GPC6: variants seen among roughly 807,000 people sequenced by gnomAD.
GPC6 encodes the protein glypican-6.
In GPC6, 14 loss-of-function variants were observed where a neutral mutation model predicts 55.2. The observed-to-expected ratio is 0.25, with a 90% confidence interval of 0.17 to 0.40. The LOEUF is 0.40. Ranked by LOEUF, GPC6 falls within the 10% of genes least tolerant of loss-of-function variation. The pLI is 1.00. For synonymous variants in GPC6, 278 were observed against 259.6 expected (o/e 1.07, Z -0.68); for missense variants, 641 against 708.5 (o/e 0.90, Z 1.08).
In GPC6 at chr13:93,691,930, A is replaced by G. The variant is rs192449842; in HGVS notation, c.320-138224A>G. ...AGTTTTATAGTTAGAGAGAACAACT[A>G]ATATATATACTTCAGTACCTACCCT... On this transcript the variant is annotated intron_variant, in intron 2 of 8. Transcript: ENST00000377047. Among the ~76,000 whole-genome samples, 4 of 152,158 alleles carry G rather than the reference A, an allele frequency of 2.6e-5. No individual in the cohort carries two copies. In the East Asian group the frequency reaches 7.7e-4, roughly 29 times the overall value.
chr13:93,731,827 C>T (rs1278217590), intron 2 of GPC6, among the ~76,000 whole-genome samples: 1 of 151,996 alleles, frequency 6.6e-6, no homozygotes, highest in African/African-American at 2.4e-5. Flanking sequence ...AGATCTGTCC[C>T]TCCTTATTAG....
chr13:93,350,139 G>T (rs1344549985), intron 1 of GPC6, among the ~76,000 whole-genome samples: 1 of 152,110 alleles, frequency 6.6e-6, no homozygotes, highest in Non-Finnish European at 1.5e-5. Context: ...GGTTTTAAAA[G>T]AAAATAAATT....
chr13:93,777,321 G>C (rs1025239603), intron 2 of GPC6, among the ~76,000 whole-genome samples: 1 of 151,976 alleles, frequency 6.6e-6, no homozygotes, highest in African/African-American at 2.4e-5. Context: ...CCTAACTCTT[G>C]TGCTTACTAG....
rs1878641970 is a variant in GPC6 at position 93,460,607 on chromosome 13, A to G, written c.161-84656A>G. On this transcript the variant is annotated intron_variant, in intron 1 of 8. Coordinates refer to ENST00000377047, the MANE Select transcript of GPC6 (RefSeq NM_005708.5). ...AATTAACATGTAAGTTTTTCAGTGA[A>G]AAGAACTCTTGATGTATTGGAAAAC... Among the ~76,000 whole-genome samples, 3 of 152,220 alleles carry G rather than the reference A, an allele frequency of 2.0e-5. No homozygotes were observed. The South Asian group carries it at 6.2e-4, about 31-fold the overall frequency.
At chr13:93,593,609 C>T (rs1877587573) in intron 2 of GPC6, among the ~76,000 whole-genome samples, 1 of 151,996 alleles carries the variant, frequency 6.6e-6, no homozygotes, top group Admixed American at 6.6e-5. Context: ...TATTTCATTG[C>T]TTATTTCTGG....
At chr13:93,256,441 T>A (rs1876955252) in intron 1 of GPC6, among the ~76,000 whole-genome samples, 1 of 152,130 alleles carries the variant, frequency 6.6e-6, no homozygotes, top group South Asian at 2.1e-4. Context: ...ACTTTTTAAC[T>A]TGTTATTACA....
At chr13:94,230,777 T>C (rs983883650) in intron 4 of GPC6, among the ~76,000 whole-genome samples, 1 of 152,166 alleles carries the variant, frequency 6.6e-6, no homozygotes, top group Non-Finnish European at 1.5e-5. Context: ...TAAATATTAT[T>C]TTTTGAACTC....
chr13:93,225,687 A>T (rs1241849124), upstream of GPC6, among the ~76,000 whole-genome samples: 1 of 152,134 alleles, frequency 6.6e-6, no homozygotes, highest in African/African-American at 2.4e-5. Context: ...AAGACAATGT[A>T]CCTAATATGT....
rs1203184731 is a variant in GPC6 at position 93,293,613 on chromosome 13, T to C, written c.160+65997T>C. ...TTCCACTTTTCCCCTGGATGGGTGA[T>C]TTATATAATGGAATGCAGTGTCATT... is the stretch of plus-strand genomic sequence containing the variant. On this transcript the variant is annotated intron_variant, in intron 1 of 8. Coordinates refer to ENST00000377047, the MANE Select transcript of GPC6 (RefSeq NM_005708.5). Among the ~76,000 whole-genome samples, 3 of 152,220 alleles carry C rather than the reference T, an allele frequency of 2.0e-5. No homozygotes were observed. In the East Asian group the frequency reaches 5.8e-4, roughly 29 times the overall value.
intron 1 of GPC6, among the ~76,000 whole-genome samples, chr13:93,419,916 A>T (rs1012974949): frequency 1.3e-5 from 2 of 152,150 alleles, no homozygotes. Flanking sequence ...GGAGGGAAAG[A>T]GAATTGTAGA....
At position 93,397,552 on chromosome 13, in the gene GPC6, T is replaced by A. The variant is rs1055657175; in HGVS notation, c.161-147711T>A. On this transcript the variant is annotated intron_variant, in intron 1 of 8. Transcript: ENST00000377047. Reference sequence around the variant, plus strand: ...TATTTACCATAGAAAACATTTTAATTGCCTTATATTTTGTACTTGTAACCT... The same window carrying A: ...TATTTACCATAGAAAACATTTTAATAGCCTTATATTTTGTACTTGTAACCT... Among the ~76,000 whole-genome samples the A allele has an allele frequency of 7.2e-5, 11 of 152,342 alleles. No homozygotes were observed. In the East Asian group the frequency reaches 2.1e-3, roughly 29 times the overall value.
chr13:93,237,361 G>A (rs559423864), intron 1 of GPC6, among the ~76,000 whole-genome samples: 3 of 151,574 alleles, frequency 2.0e-5, no homozygotes, highest in African/African-American at 4.8e-5. Context: ...GCCCATTTGT[G>A]TGTCTTCTTT....
chr13:94,277,991 A>T (rs1156376773), intron 4 of GPC6, among the ~76,000 whole-genome samples: 1 of 152,120 alleles, frequency 6.6e-6, no homozygotes, highest in Non-Finnish European at 1.5e-5. Flanking sequence ...TGGCAGTTTG[A>T]TGGGAATAGC....
intron 1 of GPC6, among the ~76,000 whole-genome samples, chr13:93,339,377 T>TA (rs3074917): frequency 0.066 from 9,044 of 137,472 alleles, 336 homozygotes; most frequent in East Asian, 0.18. Flanking sequence ...CATCATCTAT[T>TA]AAAAAAAAAA....
intron 6 of GPC6, among the ~76,000 whole-genome samples, chr13:94,325,368 C>T (rs762561875): frequency 9.9e-5 from 15 of 152,254 alleles, no homozygotes; most frequent in African/African-American, 1.2e-4. Context: ...TCAGTCTGGA[C>T]GCCAGTAACT....
intron 3 of GPC6, among the ~76,000 whole-genome samples, chr13:93,921,957 A>G (rs1877597845): frequency 5.9e-5 from 9 of 151,970 alleles, no homozygotes; most frequent in Admixed American, 5.9e-4. Flanking sequence ...GGGAGAAAAA[A>G]AAAATCTTCC....
chr13:94,054,594 G>A (rs1884068254), intron 4 of GPC6, among the ~76,000 whole-genome samples: 3 of 152,132 alleles, frequency 2.0e-5, no homozygotes, highest in Admixed American at 1.3e-4. Flanking sequence ...AGAGCCTCAA[G>A]GTCAGCCTTT....
At chr13:93,477,361 A>AGAGAAAG (rs1879338401) in intron 1 of GPC6, among the ~76,000 whole-genome samples, 1 of 152,160 alleles carries the variant, frequency 6.6e-6, no homozygotes, top group South Asian at 2.1e-4. Context: ...AGAAAGGAAG[A>AGAGAAAG]TCCCTCTTGA....
intron 3 of GPC6, among the ~76,000 whole-genome samples, chr13:93,907,178 T>C (rs1431195808): frequency 6.6e-6 from 1 of 152,128 alleles, no homozygotes; most frequent in Non-Finnish European, 1.5e-5. Context: ...TGAAAATAAA[T>C]ACCTCCAAAA....
Sources: allele counts gnomAD v4.1 joint callset (sites outside exome capture counted in the v4.1 genomes callset), GRCh38; gene constraint gnomAD v4.1.1; transcripts MANE v1.5; gene names NCBI Gene and HGNC (gene_info 2026-07-23, HGNC 2026-07-21).